The following KDM4C variants were observed in gnomAD, a reference collection of about 807,000 sequenced individuals.
KDM4C encodes lysine demethylase 4C.
In KDM4C, 81 loss-of-function variants were observed where a neutral mutation model predicts 129.3. That is an observed-to-expected ratio of 0.63 (90% confidence interval 0.52 to 0.75). The LOEUF (loss-of-function observed/expected upper bound fraction) is 0.75. Among genes scored for constraint, KDM4C ranks in the 30% least tolerant of loss-of-function variants. The pLI is 0.00. For synonymous variants in KDM4C, 573 were observed against 456.1 expected (o/e 1.26, Z -3.26); for missense variants, 1,457 against 1,304.0 (o/e 1.12, Z -1.81).
chr9:6,784,295 T>C (rs772130799), intron 1 of KDM4C, among the ~76,000 whole-genome samples: 6 of 152,204 alleles, frequency 3.9e-5, no homozygotes, highest in Non-Finnish European at 7.3e-5. Context: ...TTATTGTTCC[T>C]GGTCCTGAGG....
At chr9:6,959,705 T>C (rs966878879) in intron 8 of KDM4C, among the ~76,000 whole-genome samples, 1 of 152,208 alleles carries the variant, frequency 6.6e-6, no homozygotes, top group Non-Finnish European at 1.5e-5. Context: ...ATGTTAATTC[T>C]GTGAAATTGT....
chr9:6,876,035 G>A (rs1206478646), intron 5 of KDM4C, among the ~76,000 whole-genome samples: 1 of 152,190 alleles, frequency 6.6e-6, no homozygotes, highest in Admixed American at 6.5e-5. Context: ...GGCTGCTGGA[G>A]AGTTGAGTTT....
intron 17 of KDM4C, among the ~76,000 whole-genome samples, chr9:7,097,261 G>A (rs535994417): frequency 8.1e-4 from 123 of 152,332 alleles, no homozygotes; most frequent in African/African-American, 2.7e-3. Context: ...CTGCCAATAA[G>A]CCTCCAGTGC....
At chr9:6,903,944 A>T (rs1200221112) in intron 8 of KDM4C, among the ~76,000 whole-genome samples, 1 of 152,174 alleles carries the variant, frequency 6.6e-6, no homozygotes, top group African/African-American at 2.4e-5. Flanking sequence ...ATTCTGTTCA[A>T]TATATCTTTC....
chr9:6,905,190 A>C (rs1818102940), intron 8 of KDM4C, among the ~76,000 whole-genome samples: 1 of 152,228 alleles, frequency 6.6e-6, no homozygotes, highest in African/African-American at 2.4e-5. Flanking sequence ...TAGTATATAT[A>C]GTTAACGAGG....
At chr9:6,817,841 A>G (rs1248239580) in intron 4 of KDM4C, among the ~76,000 whole-genome samples, 1 of 138,276 alleles carries the variant, frequency 7.2e-6, no homozygotes, top group African/African-American at 2.8e-5. Context: ...ATCTTGGCTC[A>G]CTGCAACCTG....
At chr9:7,052,894 A>AGAGAGAGAGAGCGAGAGC (rs1339242817) in intron 17 of KDM4C, among the ~76,000 whole-genome samples, 1 of 105,468 alleles carries the variant, frequency 9.5e-6, no homozygotes, top group African/African-American at 3.5e-5. Context: ...AGAGAGAGAG[A>AGAGAGAGAGAGCGAGAGC]GAGAGAGCGA....
intron 14 of KDM4C, chr9:7,014,243 G>C (rs947640887): frequency 7.0e-6 from 3 of 426,288 alleles, no homozygotes; most frequent in African/African-American, 6.1e-5. Flanking sequence ...TTGTTTGTTT[G>C]GGGTCCAGTT....
intron 8 of KDM4C, among the ~76,000 whole-genome samples, chr9:6,895,091 A>G (rs1414684006): frequency 2.0e-5 from 3 of 152,174 alleles, no homozygotes; most frequent in Non-Finnish European, 2.9e-5. Context: ...TTTCAGTGTT[A>G]TGGCCACCCC....
intron 18 of KDM4C, among the ~76,000 whole-genome samples, chr9:7,122,071 C>T (rs1839542640): frequency 6.6e-6 from 1 of 151,972 alleles, no homozygotes; most frequent in Admixed American, 6.6e-5. Flanking sequence ...CTACCTGAGA[C>T]TGGGTAATTT....
At chr9:6,721,586 CTTTTT>C (rs59463106) in intron 1 of KDM4C, among the ~76,000 whole-genome samples, 1 of 127,246 alleles carries the variant, frequency 7.9e-6, no homozygotes. Flanking sequence ...GCCCGGCCCT[CTTTTT>C]TTTTTTTTTT....
At chr9:6,800,350 G>T (rs1369618963) in intron 2 of KDM4C, among the ~76,000 whole-genome samples, 1 of 152,050 alleles carries the variant, frequency 6.6e-6, no homozygotes, top group African/African-American at 2.4e-5. Context: ...CTGGGCAACA[G>T]TGAGACTCCA....
chr9:7,028,262 C>G (rs1297207731), intron 15 of KDM4C, among the ~76,000 whole-genome samples: 2 of 152,032 alleles, frequency 1.3e-5, no homozygotes, highest in African/African-American at 4.8e-5. Context: ...CTGGGTATCA[C>G]TGCTGGTTAT....
chr9:7,048,993 TCATCTGTGTATTTCC>T, intron 16 of KDM4C, 84 bp from the exon 17 acceptor site: 1 of 746,736 alleles, frequency 1.3e-6, no homozygotes, highest in Non-Finnish European at 2.3e-6. Flanking sequence ...GCTTTCTTGC[TCATCTGTGTATTTCC>T]CATCTGTGAG....
At chr9:6,947,632 A>C (rs1827219326) in intron 8 of KDM4C, among the ~76,000 whole-genome samples, 1 of 152,078 alleles carries the variant, frequency 6.6e-6, no homozygotes, top group African/African-American at 2.4e-5. Flanking sequence ...AGACCAACTT[A>C]GTTTTCCTCT....
At position 7,048,913 on chromosome 9, in the gene KDM4C, C is replaced by T. The variant is rs1587243670; in HGVS notation, c.2316-179C>T. On this transcript the variant is annotated intron_variant, in intron 16 of 21. Coordinates refer to ENST00000381309, the MANE Select transcript of KDM4C (RefSeq NM_015061.6). ...ACAATGTTGTTGGGCAGCTGTGGTA[C>T]TGAGTCTGTCCAGGTATCATTCAGG... Among the ~76,000 whole-genome samples, 4 of 151,968 alleles carry T rather than the reference C, an allele frequency of 2.6e-5. No individual in the cohort carries two copies. In the East Asian group the frequency reaches 7.7e-4, roughly 29 times the overall value.
chr9:6,840,573 T>C (rs1836735178), intron 4 of KDM4C, among the ~76,000 whole-genome samples: 1 of 152,082 alleles, frequency 6.6e-6, no homozygotes, highest in African/African-American at 2.4e-5. Flanking sequence ...ATTTTTGTAT[T>C]TTTAGTAGAG....
chr9:6,796,182 C>T (rs980162270), intron 2 of KDM4C, among the ~76,000 whole-genome samples: 1 of 152,162 alleles, frequency 6.6e-6, no homozygotes, highest in African/African-American at 2.4e-5. Flanking sequence ...GTGGGGCTCA[C>T]GCCTGCAATC....
chr9:6,806,050 C>A (rs1829906431), intron 3 of KDM4C, among the ~76,000 whole-genome samples: 1 of 152,108 alleles, frequency 6.6e-6, no homozygotes, highest in Non-Finnish European at 1.5e-5. Context: ...ACACATGATT[C>A]ATGTTTGTTG....
Sources: gnomAD v4.1 joint callset for allele counts (sites outside exome capture counted in the v4.1 genomes callset) on GRCh38, gnomAD v4.1.1 for gene constraint, MANE v1.5 for transcripts, NCBI Gene and HGNC (gene_info 2026-07-23, HGNC 2026-07-21) for gene names.